DOCK10: variants seen among roughly 807,000 people sequenced by gnomAD.
DOCK10 encodes the protein dedicator of cytokinesis protein 10.
In DOCK10, 145 loss-of-function variants were observed where a neutral mutation model predicts 280.1. The observed-to-expected ratio is 0.52, with a 90% confidence interval of 0.45 to 0.59. The LOEUF is 0.59. Ranked by LOEUF, DOCK10 falls within the 20% of genes least tolerant of loss-of-function variation. The probability of loss-of-function intolerance (pLI) is 0.00; values close to 1 mark genes in which losing one functional copy is unlikely to be tolerated. For missense variants in DOCK10, 2,368 were observed against 2,651.7 expected, an observed-to-expected ratio of 0.89 and a Z score of 2.35; for synonymous variants, 915 against 942.2, an observed-to-expected ratio of 0.97 and a Z score of 0.53.
At chr2:225,035,763 G>C (rs1362143483) in intron 1 of DOCK10, among the ~76,000 whole-genome samples, 4 of 151,360 alleles carry the variant, frequency 2.6e-5, no homozygotes, top group Admixed American at 6.6e-5. Context: ...GGAGGCTGAA[G>C]TCTGAGATCA....
intron 26 of DOCK10, among the ~76,000 whole-genome samples, chr2:224,830,951 T>TATTTATTTATTTATTTATTTA (rs1559509263): frequency 1.3e-5 from 2 of 151,698 alleles, no homozygotes; most frequent in African/African-American, 2.4e-5. Context: ...TTTATTTATT[T>TATTTATTTATTTATTTATTTA]TTTGAGACAG....
chr2:224,816,546 C>T (rs1045703235), intron 30 of DOCK10, 71 bp downstream of exon 30: 5 of 945,022 alleles, frequency 5.3e-6, no homozygotes, highest in Non-Finnish European at 8.2e-6. Context: ...TAATAATAAA[C>T]AAAAGGTAAA....
At chr2:225,036,181 A>T (rs564852652) in intron 1 of DOCK10, among the ~76,000 whole-genome samples, 3 of 152,316 alleles carry the variant, frequency 2.0e-5, no homozygotes, top group African/African-American at 7.2e-5. Flanking sequence ...GCTGATTTAG[A>T]TAGCAATTAT....
intron 40 of DOCK10, among the ~76,000 whole-genome samples, chr2:224,801,244 CA>C (rs1359758635): frequency 8.6e-6 from 1 of 116,206 alleles, no homozygotes; most frequent in Non-Finnish European, 1.7e-5. Context: ...AAATTTTCCC[CA>C]CAAGAGACAA....
intron 1 of DOCK10, among the ~76,000 whole-genome samples, chr2:224,959,059 T>C (rs1704213601): frequency 6.6e-6 from 1 of 152,228 alleles, no homozygotes; most frequent in Non-Finnish European, 1.5e-5. Flanking sequence ...CTTCTTGCTT[T>C]GGTTGGCATT....
chr2:225,011,119 T>G (rs1689422908), intron 1 of DOCK10, among the ~76,000 whole-genome samples: 1 of 152,368 alleles, frequency 6.6e-6, no homozygotes, highest in African/African-American at 2.4e-5. Flanking sequence ...CATATGTATA[T>G]AGTCAAAGTT....
At chr2:224,904,018 T>A (rs1700452551) in intron 3 of DOCK10, among the ~76,000 whole-genome samples, 1 of 152,220 alleles carries the variant, frequency 6.6e-6, no homozygotes, top group Non-Finnish European at 1.5e-5. Context: ...TTTATCTTAA[T>A]CATTTTTTGT....
chr2:224,838,339 T>G (rs1302755967), intron 24 of DOCK10, among the ~76,000 whole-genome samples: 1 of 152,218 alleles, frequency 6.6e-6, no homozygotes, highest in Non-Finnish European at 1.5e-5. Context: ...TGTTTTTCCC[T>G]TAGCTGGGTT....
chr2:224,787,108 G>T lies in DOCK10; in HGVS notation c.5569C>A (p.His1857Asn). The T allele has an allele frequency of 6.2e-7, 1 of 1,613,964 alleles. No homozygotes were observed. ...KKLSDLYYDI[H>N]RSYLKVAEVV... ...TCTGCCACTTTCAGATATGACCGATGAATGTCGTAGTAGAGATCTGACAAT... is the reference window on the plus strand; with the variant it reads ...TCTGCCACTTTCAGATATGACCGATTAATGTCGTAGTAGAGATCTGACAAT... Residue 1857 changes from histidine to asparagine, a missense_variant, in exon 50 of 56, where the codon CAT becomes AAT. His to Asn is a moderately conservative substitution (Grantham distance 68). Coordinates refer to ENST00000258390, the MANE Select transcript of DOCK10 (RefSeq NM_014689.3).
intron 47 of DOCK10, among the ~76,000 whole-genome samples, chr2:224,791,815 GA>G (rs1225613251): frequency 6.6e-6 from 1 of 152,022 alleles, no homozygotes; most frequent in East Asian, 1.9e-4. Flanking sequence ...AGACCTTTTA[GA>G]AAACATACAA....
intron 1 of DOCK10, among the ~76,000 whole-genome samples, chr2:224,943,140 T>G (rs969300213): frequency 6.6e-6 from 1 of 152,160 alleles, no homozygotes; most frequent in Admixed American, 6.5e-5. Context: ...TTTCAAAAAT[T>G]AAGGGAAGAA....
chr2:224,973,391 C>T (rs762630581), intron 1 of DOCK10, among the ~76,000 whole-genome samples: 102 of 152,178 alleles, frequency 6.7e-4, no homozygotes, highest in Admixed American at 2.4e-3. Flanking sequence ...CCAATGTAAT[C>T]ACAGGGGTCC....
chr2:224,864,760 G>A, intron 12 of DOCK10, 85 bp from the exon 13 acceptor site: 1 of 1,583,394 alleles, frequency 6.3e-7, no homozygotes, highest in Non-Finnish European at 8.6e-7. Context: ...AAAAAGGACA[G>A]CTTTAAGGGA....
intron 1 of DOCK10, among the ~76,000 whole-genome samples, chr2:225,024,578 C>T (rs1689867765): frequency 6.6e-6 from 1 of 152,056 alleles, no homozygotes; most frequent in Admixed American, 6.6e-5. Context: ...AAAAGAAAAT[C>T]AGGCAAACAT....
intron 1 of DOCK10, among the ~76,000 whole-genome samples, chr2:224,967,516 A>G (rs1227398848): frequency 6.6e-6 from 1 of 152,190 alleles, no homozygotes; most frequent in Non-Finnish European, 1.5e-5. Flanking sequence ...TGATTTTATA[A>G]TCAGGTTTCT....
chr2:224,956,894 C>T (rs181339720), intron 1 of DOCK10, among the ~76,000 whole-genome samples: 5 of 152,252 alleles, frequency 3.3e-5, no homozygotes, highest in Non-Finnish European at 5.9e-5. Context: ...TGGATCACAC[C>T]GCATGTTTAG....
At chr2:224,925,063 T>C (rs183265883) in intron 2 of DOCK10, among the ~76,000 whole-genome samples, 228 of 152,254 alleles carry the variant, frequency 1.5e-3, no homozygotes, top group Non-Finnish European at 1.4e-3. Flanking sequence ...AGTTTTCAAA[T>C]TGAAATTACA....
At chr2:225,014,081 A>ATATATATATTTTT (rs776104946) in intron 1 of DOCK10, among the ~76,000 whole-genome samples, 2 of 96,800 alleles carry the variant, frequency 2.1e-5, no homozygotes, top group African/African-American at 4.7e-5. Flanking sequence ...GTCTGAATAT[A>ATATATATATTTTT]TTGTTTTTTT....
chr2:224,913,038 G>GA (rs1019602089), intron 3 of DOCK10, among the ~76,000 whole-genome samples: 3 of 148,914 alleles, frequency 2.0e-5, no homozygotes, highest in Admixed American at 6.7e-5. Flanking sequence ...AAAAAAGAAA[G>GA]AAAAAAAAAT....
Sources: allele counts gnomAD v4.1 joint callset (sites outside exome capture counted in the v4.1 genomes callset), GRCh38; gene constraint gnomAD v4.1.1; transcripts MANE v1.5; gene names NCBI Gene and HGNC (gene_info 2026-07-23, HGNC 2026-07-21).